The following PRIM2 variants were observed in gnomAD, a reference collection of about 807,000 sequenced individuals.
PRIM2 encodes DNA primase large subunit.
PRIM2 carries 39 observed loss-of-function variants against 67.3 expected under a neutral mutation model. The observed-to-expected ratio is 0.58, with a 90% CI of 0.45 to 0.76. The LOEUF (loss-of-function observed/expected upper bound fraction) is 0.76. Among genes scored for constraint, PRIM2 ranks in the 30% least tolerant of loss-of-function variants. The pLI, the probability that PRIM2 is intolerant of heterozygous loss-of-function variation, is 0.00. For missense variants in PRIM2, 398 were observed against 598.7 expected (o/e 0.66, Z 3.50); for synonymous variants, 143 against 198.7 (o/e 0.72, Z 2.36).
the PRIM2 span, among the ~76,000 whole-genome samples, chr6:57,234,736 G>C: frequency 6.6e-6 from 1 of 151,976 alleles, no homozygotes; most frequent in Non-Finnish European, 1.5e-5. Context: ...TGTTAGCCAG[G>C]ATGGTCTTGA....
intron 7 of PRIM2, among the ~76,000 whole-genome samples, chr6:57,430,123 T>G (rs1449381736): frequency 1.4e-4 from 22 of 152,136 alleles, no homozygotes; most frequent in African/African-American, 5.3e-4. Context: ...AATTGTTAGT[T>G]CAGTCACAAT....
chr6:57,293,165 C>T, the PRIM2 span, among the ~76,000 whole-genome samples: 5 of 152,124 alleles, frequency 3.3e-5, no homozygotes, highest in South Asian at 6.2e-4. Context: ...CCCATCAAAA[C>T]GTGGGCAAAG....
chr6:57,258,832 T>A, the PRIM2 span, among the ~76,000 whole-genome samples: 5 of 152,036 alleles, frequency 3.3e-5, no homozygotes, highest in African/African-American at 9.7e-5. Context: ...TCTCCTCCGC[T>A]CCCAGAACCT....
chr6:57,642,795 G>A (rs1297667848), intron 13 of PRIM2, among the ~76,000 whole-genome samples: 1 of 152,086 alleles, frequency 6.6e-6, no homozygotes, highest in African/African-American at 2.4e-5. Context: ...ATTAGTTAGG[G>A]CAGGGTCTTT....
At chr6:57,460,120 G>C (rs1372568477) in intron 7 of PRIM2, among the ~76,000 whole-genome samples, 1 of 151,184 alleles carries the variant, frequency 6.6e-6, no homozygotes, top group East Asian at 1.9e-4. Context: ...CAGTGCAAAT[G>C]GTTTTTGTTG....
chr6:57,531,700 C>G (rs1774895565), intron 8 of PRIM2, among the ~76,000 whole-genome samples: 1 of 152,062 alleles, frequency 6.6e-6, no homozygotes, highest in Non-Finnish European at 1.5e-5. Context: ...AATTAGGAAT[C>G]AAAAGGTTTG....
intron 10 of PRIM2, among the ~76,000 whole-genome samples, chr6:57,568,099 T>C (rs1179125174): frequency 2.0e-5 from 3 of 152,248 alleles, no homozygotes; most frequent in Non-Finnish European, 4.4e-5. Context: ...GAAAAAAAAA[T>C]ACTTCAAAAG....
the PRIM2 span, among the ~76,000 whole-genome samples, chr6:57,247,058 G>A: frequency 6.6e-6 from 1 of 152,136 alleles, no homozygotes; most frequent in Non-Finnish European, 1.5e-5. Flanking sequence ...GTTTCACCGT[G>A]TTAGCCAGGA....
the PRIM2 span, among the ~76,000 whole-genome samples, chr6:57,274,288 TC>T: frequency 6.6e-5 from 10 of 152,212 alleles, no homozygotes; most frequent in Admixed American, 6.5e-5. Flanking sequence ...AGTTCGAGCT[TC>T]CCTGCCGCTT....
intron 11 of PRIM2, among the ~76,000 whole-genome samples, chr6:57,604,942 G>A (rs1440605204): frequency 6.6e-6 from 1 of 152,120 alleles, no homozygotes; most frequent in African/African-American, 2.4e-5. Flanking sequence ...CGCCCGCCTC[G>A]GCTTTCCAAA....
At chr6:57,479,095 G>A (rs1352460060) in intron 7 of PRIM2, among the ~76,000 whole-genome samples, 3 of 152,158 alleles carry the variant, frequency 2.0e-5, no homozygotes, top group Non-Finnish European at 2.9e-5. Flanking sequence ...GCTGTGAGGC[G>A]AGATCGTGCC....
At chr6:57,274,921 C>T in the PRIM2 span, among the ~76,000 whole-genome samples, 1 of 151,218 alleles carries the variant, frequency 6.6e-6, no homozygotes, top group Admixed American at 6.6e-5. Flanking sequence ...GGACTACAGG[C>T]ACGTGCCTCA....
the PRIM2 span, among the ~76,000 whole-genome samples, chr6:57,270,725 TC>T: frequency 1.3e-5 from 2 of 152,036 alleles, no homozygotes; most frequent in Non-Finnish European, 2.9e-5. Flanking sequence ...AGGGAATGCT[TC>T]CAGTTTTTCT....
chr6:57,289,485 C>T, the PRIM2 span, among the ~76,000 whole-genome samples: 1 of 152,046 alleles, frequency 6.6e-6, no homozygotes, highest in Non-Finnish European at 1.5e-5. Context: ...AGAAGAGCAA[C>T]CCCAAGACAC....
the PRIM2 span, among the ~76,000 whole-genome samples, chr6:57,297,917 C>T: frequency 1.3e-5 from 2 of 152,214 alleles, no homozygotes; most frequent in East Asian, 1.9e-4. Context: ...GAAACCATGA[C>T]GACTAAATGC....
rs1776453204 is a variant in PRIM2, at chr6:57,600,979, TGA to T, written c.1021-112_1021-111del. On this transcript the variant is annotated intron_variant, in intron 10 of 13. Transcript: ENST00000615550. ...TGAATGTACATCTGCCCGTGAATGC[TGA>T]GTTTATTCTAGAAAATATCGCTTTG... 7.2e-6 allele frequency: 7 copies of T among 970,152 alleles called. No homozygotes were observed. In the South Asian group the frequency reaches 9.8e-5, roughly 14 times the overall value. 60.1% of individuals were successfully genotyped at this position (970,152 alleles called of 1,614,324 possible). A position where few individuals can be genotyped will look rare whatever the true frequency, so the allele number is the denominator to read the frequency against.
intron 7 of PRIM2, among the ~76,000 whole-genome samples, chr6:57,493,483 T>C (rs1554346149): frequency 6.6e-6 from 1 of 152,344 alleles, no homozygotes; most frequent in African/African-American, 2.4e-5. Context: ...CTTAGTAGGA[T>C]AGATTTTAGT....
chr6:57,606,683 T>C (rs1776567880), intron 12 of PRIM2, among the ~76,000 whole-genome samples: 4 of 152,214 alleles, frequency 2.6e-5, no homozygotes. Context: ...TTCCTAGTCA[T>C]AAAGGAAGCT....
intron 12 of PRIM2, among the ~76,000 whole-genome samples, chr6:57,616,054 C>G (rs1173488771): frequency 3.9e-5 from 6 of 152,106 alleles, no homozygotes; most frequent in African/African-American, 1.4e-4. Context: ...GTAATATATG[C>G]CACAATGAAG....
Sources: allele counts gnomAD v4.1 joint callset (sites outside exome capture counted in the v4.1 genomes callset), GRCh38; gene constraint gnomAD v4.1.1; transcripts MANE v1.5; gene names NCBI Gene and HGNC (gene_info 2026-07-23, HGNC 2026-07-21).